SAMD5: variants seen among roughly 807,000 people sequenced by gnomAD.
The protein encoded by SAMD5 is sterile alpha motif domain containing 5.
A neutral mutation model predicts 11.3 loss-of-function variants in SAMD5; 13 were observed. That is an observed-to-expected ratio of 1.15 (90% confidence interval 0.75 to 1.83). SAMD5 has a LOEUF of 1.83. SAMD5 is among the 40% of genes most tolerant of loss of function. SAMD5 has a pLI of 0.00. For synonymous variants in SAMD5, 129 were observed against 111.3 expected (o/e 1.16, Z -1.00); for missense variants, 255 against 239.1 (o/e 1.07, Z -0.44).
rs1053930090 is a variant in SAMD5 at position 147,664,380 on chromosome 6, A to ATC, written c.163-72935_163-72934dup. Among the ~76,000 whole-genome samples, 10 of 152,150 alleles carry ATC rather than the reference A, an allele frequency of 6.6e-5. 1 individual carries two copies. The highest frequency in any genetic ancestry group is 2.4e-4 in the African/African-American group (10 of 41,442). ...AGCAGAGATAAATATACTATAAGCC[A>ATC]TCTTCTGAGTGGATCAAACTTGTCC... On this transcript the variant is annotated intron_variant, in intron 1 of 1. Transcript: ENST00000566741.
the SAMD5 span, among the ~76,000 whole-genome samples, chr6:147,752,126 A>G: frequency 1.3e-5 from 2 of 152,166 alleles, no homozygotes; most frequent in Non-Finnish European, 1.5e-5. Flanking sequence ...ATTATTCCTC[A>G]TTATCTCTAT....
intron 1 of SAMD5, among the ~76,000 whole-genome samples, chr6:147,659,455 T>A (rs1372120773): frequency 1.3e-5 from 2 of 152,204 alleles, no homozygotes; most frequent in Non-Finnish European, 2.9e-5. Context: ...ATTTGTATTC[T>A]AGCATTTTTG....
At chr6:147,687,863 G>C (rs565655694) in intron 1 of SAMD5, among the ~76,000 whole-genome samples, 1 of 152,202 alleles carries the variant, frequency 6.6e-6, no homozygotes, top group African/African-American at 2.4e-5. Flanking sequence ...CCCTTCTAAT[G>C]GCAACATGAA....
At chr6:147,710,474 A>G (rs994205276) in intron 1 of SAMD5, among the ~76,000 whole-genome samples, 3 of 152,154 alleles carry the variant, frequency 2.0e-5, no homozygotes, top group African/African-American at 7.2e-5. Context: ...CAAGATGTGA[A>G]TCGTGCCTTT....
chr6:147,689,492 G>A (rs1583140348), intron 1 of SAMD5, among the ~76,000 whole-genome samples: 1 of 152,110 alleles, frequency 6.6e-6, no homozygotes, highest in Admixed American at 6.5e-5. Context: ...AAAAGACAGT[G>A]TATATAAAAC....
At chr6:147,558,802 C>G (rs1345602940) in intron 1 of SAMD5, among the ~76,000 whole-genome samples, 1 of 152,128 alleles carries the variant, frequency 6.6e-6, no homozygotes, top group Non-Finnish European at 1.5e-5. Flanking sequence ...AAGGCTAACT[C>G]CCACCTCATC....
At chr6:147,678,994 T>C (rs73010173) in intron 1 of SAMD5, among the ~76,000 whole-genome samples, 17,415 of 152,150 alleles carry the variant, frequency 0.11, 1,077 homozygotes, top group Middle Eastern at 0.16. Flanking sequence ...TTCAGTAATA[T>C]AATTGTGTAC....
chr6:147,532,724 G>A (rs552989999), intron 1 of SAMD5, among the ~76,000 whole-genome samples: 1 of 152,212 alleles, frequency 6.6e-6, no homozygotes, highest in South Asian at 2.1e-4. Flanking sequence ...TTTCATAGTT[G>A]TTGTACTAGT....
At chr6:147,945,421 A>G in the SAMD5 span, among the ~76,000 whole-genome samples, 1 of 152,238 alleles carries the variant, frequency 6.6e-6, no homozygotes, top group East Asian at 1.9e-4. Context: ...ATATATTTTC[A>G]GATTTTTAAC....
At chr6:147,902,548 A>C in the SAMD5 span, among the ~76,000 whole-genome samples, 8 of 152,168 alleles carry the variant, frequency 5.3e-5, no homozygotes, top group Admixed American at 2.0e-4. Flanking sequence ...TCACCAAAAC[A>C]AATCATCTGC....
intron 1 of SAMD5, among the ~76,000 whole-genome samples, chr6:147,725,671 G>A (rs1791616162): frequency 1.3e-5 from 2 of 152,182 alleles, no homozygotes; most frequent in African/African-American, 4.8e-5. Flanking sequence ...TTACAGGCAT[G>A]AGCCACTGTA....
chr6:147,811,507 G>A, the SAMD5 span, among the ~76,000 whole-genome samples: 1,177 of 152,252 alleles, frequency 7.7e-3, 18 homozygotes, highest in Middle Eastern at 0.041. Flanking sequence ...GTGCTTTAGG[G>A]AGATTTTTCT....
At chr6:147,916,598 T>C in the SAMD5 span, among the ~76,000 whole-genome samples, 2 of 152,162 alleles carry the variant, frequency 1.3e-5, no homozygotes, top group South Asian at 2.1e-4. Context: ...GGTACATGTG[T>C]ACAATGTGCA....
In SAMD5 at chr6:147,521,540, C is replaced by G. The variant is rs555117676; in HGVS notation, c.459+12153C>G. 5.3e-5 allele frequency among the ~76,000 whole-genome samples: 8 copies of G among 152,102 alleles called. No individual in the cohort carries two copies. The South Asian group carries it at 1.7e-3, about 32-fold the overall frequency. ...GCAGTCTCAAACAAAATTGTCAATTCTTTCTTTACTGTTTACTTGAATAAG... is the reference window on the plus strand; with the variant it reads ...GCAGTCTCAAACAAAATTGTCAATTGTTTCTTTACTGTTTACTTGAATAAG... On this transcript the variant is annotated intron_variant, in intron 1 of 1. Transcript: ENST00000367474.
the SAMD5 span, among the ~76,000 whole-genome samples, chr6:147,800,503 A>C: frequency 6.6e-6 from 1 of 152,160 alleles, no homozygotes; most frequent in Non-Finnish European, 1.5e-5. Context: ...AAGTCTGCAG[A>C]GGTTACTGCT....
At chr6:147,801,440 C>T in the SAMD5 span, among the ~76,000 whole-genome samples, 1 of 151,980 alleles carries the variant, frequency 6.6e-6, no homozygotes, top group Non-Finnish European at 1.5e-5. Flanking sequence ...ATTAGAATGA[C>T]AGAGGTAAAC....
intron 1 of SAMD5, among the ~76,000 whole-genome samples, chr6:147,583,842 C>CACACACAA (rs1404993117): frequency 2.6e-5 from 4 of 151,642 alleles, no homozygotes; most frequent in African/African-American, 9.7e-5. Flanking sequence ...CACACACACA[C>CACACACAA]AAAATGGCTA....
the SAMD5 span, among the ~76,000 whole-genome samples, chr6:147,816,991 C>T: frequency 6.6e-6 from 1 of 152,070 alleles, no homozygotes; most frequent in Non-Finnish European, 1.5e-5. Flanking sequence ...TAAAAGGTAT[C>T]TGATCAGGTT....
Position 147,546,259 on chromosome 6 carries a change from G to T in SAMD5, c.460-18135G>T, listed in dbSNP as rs572554060. Among the ~76,000 whole-genome samples, 290 of 152,228 alleles carry T rather than the reference G, an allele frequency of 1.9e-3. 1 individual carries two copies. The highest frequency in any genetic ancestry group is 6.7e-3 in the African/African-American group (278 of 41,518). On this transcript the variant is annotated intron_variant, in intron 1 of 1. Coordinates refer to ENST00000367474, the MANE Select transcript of SAMD5 (RefSeq NM_001030060.3). ...AAGACTGAGGCCTGGGCTGGGCGCG[G>T]TGGCTCACGCCTGTAATCCCAGCAC... is the stretch of plus-strand genomic sequence containing the variant.
Sources: allele counts gnomAD v4.1 joint callset (sites outside exome capture counted in the v4.1 genomes callset), GRCh38; gene constraint gnomAD v4.1.1; transcripts MANE v1.5; gene names NCBI Gene and HGNC (gene_info 2026-07-23, HGNC 2026-07-21).